SLCO1B3: variants seen among roughly 807,000 people sequenced by gnomAD.
The protein encoded by SLCO1B3 is liver-specific organic anion transporter 2.
A neutral mutation model predicts 71.8 loss-of-function variants in SLCO1B3; 72 were observed. The observed-to-expected ratio is 1.00, with a 90% CI of 0.83 to 1.22. The LOEUF (loss-of-function observed/expected upper bound fraction) is 1.22, where lower values mean the gene tolerates loss of function less well. SLCO1B3 is among the 50% of genes most tolerant of loss of function. The probability of loss-of-function intolerance (pLI) is 0.00; values close to 1 mark genes in which losing one functional copy is unlikely to be tolerated. For missense variants in SLCO1B3, 911 were observed against 819.7 expected (o/e 1.11, Z -1.36); for synonymous variants, 298 against 278.4 (o/e 1.07, Z -0.70).
chr12:20,847,548 ATG>A (rs984171401), intron 3 of SLCO1B3, among the ~76,000 whole-genome samples: 5 of 136,194 alleles, frequency 3.7e-5, no homozygotes, highest in South Asian at 2.5e-4. Context: ...TGAAATATAC[ATG>A]TTTATTTCTC....
chr12:20,886,215 A>G (rs11045580), intron 13 of SLCO1B3, among the ~76,000 whole-genome samples: 109,987 of 151,872 alleles, frequency 0.72, 42,409 homozygotes, highest in South Asian at 0.9. Context: ...TGGAGGAAGT[A>G]GAAAAGCAAA....
rs902681953 is a variant in SLCO1B3 at position 20,829,524 on chromosome 12, A to G, written c.84+13702A>G. On this transcript the variant is annotated intron_variant, in intron 3 of 15. Coordinates refer to ENST00000381545, the MANE Select transcript of SLCO1B3 (RefSeq NM_019844.4). The stretch of plus-strand genomic sequence containing the variant: ...TCTTAGATCTTAACCAAATTTTGAG[A>G]GATCAGGCATTCTCTCTGCAGTGGG... Among the ~76,000 whole-genome samples the G allele has an allele frequency of 2.6e-5, 4 of 152,182 alleles. No individual in the cohort carries two copies. The East Asian group carries it at 7.7e-4, about 29-fold the overall frequency.
chr12:20,878,146 G>A (rs1865620424), intron 10 of SLCO1B3, among the ~76,000 whole-genome samples: 1 of 17,150 alleles, frequency 5.8e-5, no homozygotes, highest in African/African-American at 7.5e-5. Context: ...TAATTCCATA[G>A]GTGAAATTCA....
At chr12:20,891,788 T>C (rs1363346942) in intron 13 of SLCO1B3, among the ~76,000 whole-genome samples, 1 of 152,102 alleles carries the variant, frequency 6.6e-6, no homozygotes, top group Non-Finnish European at 1.5e-5. Context: ...GCTCTGAAAT[T>C]GTTTATTCTG....
intron 12 of SLCO1B3, 74 bp downstream of exon 12, chr12:20,881,094 A>G (rs1032907104): frequency 2.0e-5 from 22 of 1,102,856 alleles, no homozygotes; most frequent in African/African-American, 8.0e-5. Flanking sequence ...TACTTATCAA[A>G]TCTTCCTATA....
rs184229941 is a variant in SLCO1B3 at position 20,902,764 on chromosome 12, T to G, written c.1865+1297T>G. Among the ~76,000 whole-genome samples the G allele has an allele frequency of 2.6e-4, 40 of 152,058 alleles. No homozygotes were observed. In the East Asian group the frequency reaches 7.5e-3, roughly 29 times the overall value. ...ACCAAATGTCCTATGTATATAAGGA[T>G]CTCTTAAAAATCTCCAAAAACAGGC... is the stretch of plus-strand genomic sequence containing the variant. On this transcript the variant is annotated intron_variant, in intron 15 of 15. Transcript: ENST00000381545.
At chr12:20,831,034 A>C (rs1864527396) in intron 3 of SLCO1B3, among the ~76,000 whole-genome samples, 1 of 150,842 alleles carries the variant, frequency 6.6e-6, no homozygotes. Context: ...GGAAGATAGC[A>C]GTGTATGTAA....
intron 3 of SLCO1B3, among the ~76,000 whole-genome samples, chr12:20,816,952 T>C (rs1045083054): frequency 6.6e-6 from 1 of 152,236 alleles, no homozygotes; most frequent in African/African-American, 2.4e-5. Flanking sequence ...TGATGATCAC[T>C]GATGTTGAGC....
chr12:20,894,914 G>A (rs368977536), intron 13 of SLCO1B3, among the ~76,000 whole-genome samples: 1 of 152,180 alleles, frequency 6.6e-6, no homozygotes, highest in East Asian at 1.9e-4. Flanking sequence ...ACAGTTCCAC[G>A]TGGCTGGGTA....
intron 8 of SLCO1B3, among the ~76,000 whole-genome samples, chr12:20,864,860 G>T (rs1455011045): frequency 3.3e-5 from 5 of 152,090 alleles, no homozygotes; most frequent in African/African-American, 1.2e-4. Flanking sequence ...AATGAGTAAA[G>T]AATATCAAGG....
chr12:20,875,607 T>C, intron 9 of SLCO1B3, 130 bp downstream of exon 9: 1 of 954,648 alleles, frequency 1.0e-6, no homozygotes, highest in Non-Finnish European at 1.5e-6. Context: ...TTAGCTGAAT[T>C]ATTTTTTCTA....
intron 13 of SLCO1B3, among the ~76,000 whole-genome samples, chr12:20,889,094 G>GT (rs34861372): frequency 0.095 from 13,564 of 143,136 alleles, 661 homozygotes; most frequent in East Asian, 0.15. Flanking sequence ...ATTTTCTAGA[G>GT]TTTTTTTTTT....
intron 3 of SLCO1B3, among the ~76,000 whole-genome samples, chr12:20,844,651 G>T (rs1371243208): frequency 1.3e-5 from 2 of 152,038 alleles, no homozygotes; most frequent in Non-Finnish European, 2.9e-5. Context: ...ATGTATTTGT[G>T]TAGTTTTAGG....
chr12:20,883,656 A>C, intron 13 of SLCO1B3, 54 bp downstream of exon 13: 1 of 1,103,482 alleles, frequency 9.1e-7, no homozygotes, highest in Non-Finnish European at 1.3e-6. Flanking sequence ...AACACACCTA[A>C]TGATAGGCAT....
At chr12:20,885,005 AT>A (rs1865765130) in intron 13 of SLCO1B3, among the ~76,000 whole-genome samples, 1 of 152,162 alleles carries the variant, frequency 6.6e-6, no homozygotes, top group Admixed American at 6.5e-5. Context: ...AATTCACTTC[AT>A]AATTTCATAC....
chr12:20,874,972 G>A lies in SLCO1B3; in HGVS notation c.728-263G>A, dbSNP rs1443852881. On this transcript the variant is annotated intron_variant, in intron 8 of 15. Coordinates refer to ENST00000381545, the MANE Select transcript of SLCO1B3 (RefSeq NM_019844.4). ...TGACAGCTGTCCAGTCATGAAATCT[G>A]AAAAGCCACCAAGTGCACACAAGAT... 2.0e-5 allele frequency among the ~76,000 whole-genome samples: 3 copies of A among 152,106 alleles called. No homozygotes were observed. In the East Asian group the frequency reaches 5.8e-4, roughly 29 times the overall value.
intron 3 of SLCO1B3, among the ~76,000 whole-genome samples, chr12:20,823,094 G>A (rs974999369): frequency 6.6e-6 from 1 of 152,056 alleles, no homozygotes; most frequent in Non-Finnish European, 1.5e-5. Context: ...AGGAGGAAGA[G>A]AGACAAACAC....
At chr12:20,904,019 C>T (rs1381753045) in intron 15 of SLCO1B3, among the ~76,000 whole-genome samples, 1 of 152,050 alleles carries the variant, frequency 6.6e-6, no homozygotes, top group Non-Finnish European at 1.5e-5. Flanking sequence ...GTGGGTGGAT[C>T]ACGAGGTCAG....
At chr12:20,840,061 T>C (rs960847121) in intron 3 of SLCO1B3, among the ~76,000 whole-genome samples, 2 of 152,210 alleles carry the variant, frequency 1.3e-5, no homozygotes, top group Non-Finnish European at 2.9e-5. Context: ...TCTTGCATAC[T>C]GTCTCTTTTA....
Sources: allele counts gnomAD v4.1 joint callset (sites outside exome capture counted in the v4.1 genomes callset), GRCh38; gene constraint gnomAD v4.1.1; transcripts MANE v1.5; gene names NCBI Gene and HGNC (gene_info 2026-07-23, HGNC 2026-07-21).